ELAVL2: variants seen among roughly 807,000 people sequenced by gnomAD.
ELAVL2 encodes ELAV like RNA binding protein 2.
ELAVL2 carries 4 observed loss-of-function variants against 34.6 expected under a neutral mutation model. The ratio of observed to expected loss-of-function variants is 0.12; its 90% CI spans 0.06 to 0.26. The LOEUF (loss-of-function observed/expected upper bound fraction) is 0.26. Ranked by LOEUF, ELAVL2 falls within the 10% of genes least tolerant of loss-of-function variation. ELAVL2 has a pLI of 1.00. For synonymous variants in ELAVL2, 193 were observed against 154.8 expected (o/e 1.25, Z -1.83); for missense variants, 432 against 442.8 (o/e 0.98, Z 0.22).
In ELAVL2 at chr9:23,754,445, GT is replaced by G. The variant is rs113168156; in HGVS notation, c.229+7560del. On this transcript the variant is annotated intron_variant, in intron 2 of 6. Coordinates refer to ENST00000397312, the MANE Select transcript of ELAVL2 (RefSeq NM_004432.5). ...CCAAAATATTCCACTTTGGCATTAA[GT>G]TTTTTTTTTTTATTATTTTTTTGTG... 6.9e-3 allele frequency among the ~76,000 whole-genome samples: 1,014 copies of G among 146,578 alleles called. 21 individuals carry two copies. The highest frequency in any genetic ancestry group is 0.066 in the East Asian group (332 of 5,050).
chr9:23,847,396 T>A, the ELAVL2 span: 2 of 152,074 alleles, frequency 1.3e-5, no homozygotes, highest in Non-Finnish European at 2.9e-5. Context: ...GCATGAATAC[T>A]TTTTCACTTA....
rs2033112238 is a variant in ELAVL2 at position 23,691,330 on chromosome 9, C to G, written c.*1227G>C. 6.6e-6 allele frequency: 1 copy of G among 152,590 alleles called. No individual in the cohort carries two copies. The highest frequency in any genetic ancestry group is 1.5e-5 in the Non-Finnish European group (1 of 68,000). The allele number at this position is 152,590 out of a possible 1,614,324, so 9.5% of individuals were successfully genotyped here. A position where few individuals can be genotyped will look rare whatever the true frequency, so the allele number is the denominator to read the frequency against. ...CATTACACAAAGCTCAGGTGTTAGC[C>G]TTGAACGTAACTTTCAAAATACCTT... is the stretch of plus-strand genomic sequence containing the variant. On this transcript the variant is annotated 3_prime_UTR_variant, in exon 7 of 7. Coordinates refer to ENST00000397312, the MANE Select transcript of ELAVL2 (RefSeq NM_004432.5).
chr9:23,828,697 T>A (rs1247125481), upstream of ELAVL2, among the ~76,000 whole-genome samples: 2 of 152,168 alleles, frequency 1.3e-5, no homozygotes, highest in African/African-American at 4.8e-5. Flanking sequence ...TCTTTTTATG[T>A]AGGTGAGATG....
intron 1 of ELAVL2, among the ~76,000 whole-genome samples, chr9:23,820,427 C>T (rs1401390402): frequency 6.6e-6 from 1 of 152,136 alleles, no homozygotes; most frequent in Admixed American, 6.5e-5. Flanking sequence ...GAGTGGACAA[C>T]TCGTAGCAAA....
chr9:23,744,548 G>A (rs1362847788), intron 2 of ELAVL2, among the ~76,000 whole-genome samples: 2 of 151,986 alleles, frequency 1.3e-5, no homozygotes, highest in East Asian at 3.9e-4. Flanking sequence ...TACCCAAACA[G>A]AATATAACCT....
rs1053014952 is a variant in ELAVL2, at chr9:23,722,763, G to A, written c.333+8259C>T. On this transcript the variant is annotated intron_variant, in intron 3 of 6. Transcript: ENST00000397312. ...AACCTGAGCTTTATTTCATCAAAGG[G>A]ATTAAGTATTTGCCTACCAGAGACT... Among the ~76,000 whole-genome samples the A allele has an allele frequency of 3.3e-5, 5 of 152,176 alleles. No individual in the cohort carries two copies. In the East Asian group the frequency reaches 7.7e-4, roughly 23 times the overall value.
intron 3 of ELAVL2, among the ~76,000 whole-genome samples, chr9:23,725,227 A>G (rs2044783665): frequency 6.6e-6 from 1 of 152,146 alleles, no homozygotes; most frequent in South Asian, 2.1e-4. Flanking sequence ...CACCTAGAGA[A>G]CAAAACATCA....
chr9:23,790,763 T>C (rs2060230244), intron 1 of ELAVL2, among the ~76,000 whole-genome samples: 1 of 152,228 alleles, frequency 6.6e-6, no homozygotes, highest in Non-Finnish European at 1.5e-5. Flanking sequence ...ATTTTCCGCA[T>C]ACCTCATTAA....
At chr9:23,734,784 A>C (rs2134756809) in intron 2 of ELAVL2, among the ~76,000 whole-genome samples, 1 of 152,226 alleles carries the variant, frequency 6.6e-6, no homozygotes, top group South Asian at 2.1e-4. Context: ...ATGAGCGCAC[A>C]GTTTTTAAAA....
At chr9:23,760,671 T>G (rs137944985) in intron 2 of ELAVL2, among the ~76,000 whole-genome samples, 3,890 of 152,124 alleles carry the variant, frequency 0.026, 77 homozygotes, top group South Asian at 0.052. Context: ...ATTATCAGTG[T>G]TCAGAAACAT....
intron 1 of ELAVL2, among the ~76,000 whole-genome samples, chr9:23,786,929 A>C (rs1047660467): frequency 1.3e-5 from 2 of 152,152 alleles, no homozygotes; most frequent in Non-Finnish European, 2.9e-5. Flanking sequence ...TTCTCTTTGG[A>C]AGTTTTTCAT....
At chr9:23,711,605 G>T (rs1251816451) in intron 3 of ELAVL2, among the ~76,000 whole-genome samples, 1 of 152,034 alleles carries the variant, frequency 6.6e-6, no homozygotes, top group Non-Finnish European at 1.5e-5. Flanking sequence ...CACCTCATGG[G>T]TATCACCTAG....
At chr9:23,741,141 A>G (rs1018999472) in intron 2 of ELAVL2, among the ~76,000 whole-genome samples, 1 of 152,202 alleles carries the variant, frequency 6.6e-6, no homozygotes, top group Non-Finnish European at 1.5e-5. Context: ...AACAGAGAAG[A>G]TGAAATTCAG....
In ELAVL2 at chr9:23,704,985, C is replaced by A. The variant is rs372183542; in HGVS notation, c.420G>T (p.Glu140Asp). 1.7e-5 allele frequency: 28 copies of A among 1,614,150 alleles called. No individual in the cohort carries two copies. In the South Asian group the frequency reaches 3.1e-4, roughly 18 times the overall value. ...SGLPKTMTQK[E>D]LEQLFSQYGR... is the part of the protein sequence containing the mutation. The stretch of plus-strand genomic sequence containing the variant: ...CATATTGTGAAAAAAGCTGTTCCAA[C>A]TCCTTCTGGGTCATTGTTTTTGGAA... The change falls in exon 4 of 7, where the codon GAG (glutamate) becomes GAT (aspartate). Residue 140 changes from glutamate (E) to aspartate (D), a missense_variant. Transcript: ENST00000397312.
In ELAVL2 at chr9:23,777,540, A is replaced by G. The variant is rs953564325; in HGVS notation, c.-15-15291T>C. ...GTCAGGCTAAAACCCAGGATTCACA[A>G]CAAAGATCTGGAGACTGCAGGCCTT... On this transcript the variant is annotated intron_variant, in intron 1 of 6. Coordinates refer to ENST00000397312, the MANE Select transcript of ELAVL2 (RefSeq NM_004432.5). Among the ~76,000 whole-genome samples the G allele has an allele frequency of 2.6e-5, 4 of 152,304 alleles. No homozygotes were observed. In the East Asian group the frequency reaches 7.7e-4, roughly 29 times the overall value.
chr9:23,779,283 G>A (rs1260135435), intron 1 of ELAVL2: 1 of 985,286 alleles, frequency 1.0e-6, no homozygotes, highest in African/African-American at 1.7e-5. Flanking sequence ...AGAATCCCAT[G>A]AAAACCTGCT....
chr9:23,707,048 G>GA (rs748026426), intron 3 of ELAVL2, among the ~76,000 whole-genome samples: 22 of 152,174 alleles, frequency 1.4e-4, no homozygotes, highest in Non-Finnish European at 2.6e-4. Flanking sequence ...TTCTACAGAA[G>GA]AAACAAGGAA....
intron 2 of ELAVL2, among the ~76,000 whole-genome samples, chr9:23,747,458 T>C (rs774456151): frequency 1.3e-5 from 2 of 152,180 alleles, no homozygotes; most frequent in East Asian, 1.9e-4. Context: ...CTTCAACAGA[T>C]AGTCACCACT....
chr9:23,842,188 T>A, the ELAVL2 span, among the ~76,000 whole-genome samples: 3 of 152,136 alleles, frequency 2.0e-5, no homozygotes, highest in African/African-American at 4.8e-5. Flanking sequence ...CTTCAGAGTT[T>A]TTCGTTTAAC....
Sources: gnomAD v4.1 joint callset for allele counts (sites outside exome capture counted in the v4.1 genomes callset) on GRCh38, gnomAD v4.1.1 for gene constraint, MANE v1.5 for transcripts, NCBI Gene and HGNC (gene_info 2026-07-23, HGNC 2026-07-21) for gene names.